The following ACAD9 variants were observed in gnomAD, a reference collection of about 807,000 sequenced individuals.
ACAD9 encodes complex I assembly factor ACAD9, mitochondrial.
A neutral mutation model predicts 70.2 loss-of-function variants in ACAD9; 53 were observed. The observed-to-expected ratio is 0.75, with a 90% CI of 0.61 to 0.95. The LOEUF is 0.95. Among genes scored for constraint, ACAD9 ranks in the 40% least tolerant of loss-of-function variants. The pLI is 0.00. For synonymous variants in ACAD9, 313 were observed against 312.1 expected (o/e 1.00, Z -0.03); for missense variants, 777 against 802.8 (o/e 0.97, Z 0.39).
intron 11 of ACAD9, 51 bp downstream of exon 11, chr3:128,904,556 C>G: frequency 6.3e-7 from 1 of 1,594,268 alleles, no homozygotes; most frequent in Non-Finnish European, 8.5e-7. Context: ...CTTGGGAAAT[C>G]TCCCTCACTG....
rs752516042 is a variant in ACAD9, at chr3:128,909,134, A to G, written c.1485+35A>G. 2.0e-5 allele frequency: 32 copies of G among 1,613,090 alleles called. 1 individual carries two copies. The highest frequency in any genetic ancestry group is 3.3e-4 in the Middle Eastern group (2 of 6,084). ...CCTAACAGGCATACCCCCTATTTCA[A>G]TGCCCTCCTGCCAGATCTCCTTGTG... On this transcript the variant is annotated intron_variant, in intron 14 of 17. Transcript: ENST00000308982.
intron 16 of ACAD9, 41 bp downstream of exon 16, chr3:128,910,190 A>G (rs374842044): frequency 3.7e-4 from 589 of 1,613,188 alleles, no homozygotes; most frequent in Non-Finnish European, 4.6e-4. Flanking sequence ...GGCTGCTGCC[A>G]TCTGTCCTGC....
At chr3:128,911,642 A>C (rs1211642783) in intron 17 of ACAD9, among the ~76,000 whole-genome samples, 1 of 151,856 alleles carries the variant, frequency 6.6e-6, no homozygotes, top group East Asian at 1.9e-4. Context: ...GGGTTTCACC[A>C]TGTTGGCCAA....
At chr3:128,909,985 G>A in intron 15 of ACAD9, 36 bp from the exon 16 acceptor site, 3 of 1,610,364 alleles carry the variant, frequency 1.9e-6, no homozygotes, top group Non-Finnish European at 2.5e-6. Flanking sequence ...ACTGGTCTAG[G>A]TAGTGAGTCC....
chr3:128,895,496 C>T, intron 4 of ACAD9, 80 bp downstream of exon 4: 1 of 1,348,480 alleles, frequency 7.4e-7, no homozygotes, highest in South Asian at 1.2e-5. Context: ...CAGAGGCTTG[C>T]TCCCTCTGAA....
Position 128,908,998 on chromosome 3 carries a change from A to G in ACAD9, c.1384A>G (p.Thr462Ala). 6.2e-7 allele frequency: 1 copy of G among 1,614,180 alleles called. No homozygotes were observed. ...IHELKQAKVS[T>A]VMDTVGRRLR... The stretch of plus-strand genomic sequence containing the variant: ...TGAGCTTAAACAGGCCAAAGTGAGC[A>G]CAGTCATGGATACCGTTGGCCGGAG... The change falls in exon 14 of 18, where the codon ACA (threonine) becomes GCA (alanine). Residue 462 changes from threonine to alanine, a missense_variant. Coordinates refer to ENST00000308982, the MANE Select transcript of ACAD9 (RefSeq NM_014049.5).
chr3:128,893,427 G>A, intron 2 of ACAD9, 128 bp from the exon 3 acceptor site: 2 of 757,914 alleles, frequency 2.6e-6, no homozygotes, highest in Non-Finnish European at 4.4e-6. Context: ...CATGACTACA[G>A]AATTTCTAGT....
chr3:128,888,887 G>T (rs1935330536), intron 2 of ACAD9, among the ~76,000 whole-genome samples: 2 of 132,464 alleles, frequency 1.5e-5, no homozygotes, highest in South Asian at 2.4e-4. Context: ...CTTTTCCTAT[G>T]TGGTTTGTCA....
chr3:128,891,896 C>T (rs1349379695), intron 2 of ACAD9, among the ~76,000 whole-genome samples: 1 of 152,118 alleles, frequency 6.6e-6, no homozygotes, highest in Non-Finnish European at 1.5e-5. Context: ...CTTCTTGGCT[C>T]TGTGTGTTTA....
At chr3:128,896,826 G>T (rs1239489321) in intron 5 of ACAD9, among the ~76,000 whole-genome samples, 1 of 152,308 alleles carries the variant, frequency 6.6e-6, no homozygotes, top group Middle Eastern at 3.4e-3. Flanking sequence ...CGGCTTCAAA[G>T]CACCTTTCAG....
At position 128,879,682 on chromosome 3, in the gene ACAD9, A is replaced by G. The variant is rs776598614; in HGVS notation, c.-10A>G. Reference sequence around the variant, plus strand: ...GAGACTGAGGCTGAGGCTGGGGAACATCGGGCAGCATGAGCGGCTGCGGGC... The same window carrying G: ...GAGACTGAGGCTGAGGCTGGGGAACGTCGGGCAGCATGAGCGGCTGCGGGC... On this transcript the variant is annotated 5_prime_UTR_variant, in exon 1 of 18. Transcript: ENST00000308982. The G allele has an allele frequency of 5.3e-5, 85 of 1,612,124 alleles. No homozygotes were observed. Among genetic ancestry groups the G allele is most frequent in the Non-Finnish European group, 6.9e-5 (81 of 1,179,884 alleles).
At chr3:128,895,991 G>A (rs1935558552) in intron 4 of ACAD9, among the ~76,000 whole-genome samples, 1 of 152,250 alleles carries the variant, frequency 6.6e-6, no homozygotes, top group Admixed American at 6.5e-5. Flanking sequence ...GAGGGCAGCA[G>A]GTGGGACAGC....
intron 2 of ACAD9, among the ~76,000 whole-genome samples, chr3:128,889,438 G>A (rs1456588306): frequency 2.0e-5 from 3 of 152,126 alleles, no homozygotes; most frequent in Non-Finnish European, 1.5e-5. Flanking sequence ...ATCACCTGAC[G>A]CATGACTGTA....
intron 1 of ACAD9, among the ~76,000 whole-genome samples, chr3:128,881,117 A>C (rs962110633): frequency 4.6e-5 from 7 of 152,210 alleles, no homozygotes; most frequent in Admixed American, 2.0e-4. Flanking sequence ...TTACAGATGA[A>C]GAAGCTAAGA....
rs752239378 is a variant in ACAD9 at position 128,912,614 on chromosome 3, G to C, written c.*7G>C. On this transcript the variant is annotated 3_prime_UTR_variant, in exon 18 of 18. Transcript: ENST00000308982. Reference sequence around the variant, plus strand: ...TCTGGACAGGACATGCTGAGGCAGGGGACAGTGTCCCCTGCTACCGCCCGC... The same window carrying C: ...TCTGGACAGGACATGCTGAGGCAGGCGACAGTGTCCCCTGCTACCGCCCGC... The C allele has an allele frequency of 6.2e-7, 1 of 1,612,952 alleles. No homozygotes were observed. The highest frequency in any genetic ancestry group is 1.7e-5 in the Admixed American group (1 of 60,028).
chr3:128,887,000 C>T (rs548411970), intron 2 of ACAD9, among the ~76,000 whole-genome samples: 1 of 152,078 alleles, frequency 6.6e-6, no homozygotes, highest in Non-Finnish European at 1.5e-5. Flanking sequence ...GGTACGACCT[C>T]AGCTCACTGC....
At chr3:128,899,228 A>G in intron 6 of ACAD9, 59 bp from the exon 7 acceptor site, 1 of 1,575,360 alleles carries the variant, frequency 6.3e-7, no homozygotes, top group Non-Finnish European at 8.7e-7. Context: ...ACAAAGACAG[A>G]GCTGAGGTGG....
At chr3:128,908,583 C>A (rs925705197) in intron 13 of ACAD9, 11 of 555,068 alleles carry the variant, frequency 2.0e-5, no homozygotes, top group Non-Finnish European at 3.6e-5. Flanking sequence ...TGCCAGGCCT[C>A]ACAGCCAACA....
chr3:128,908,830 G>C (rs915131155), intron 13 of ACAD9, 143 bp from the exon 14 acceptor site: 24 of 1,332,248 alleles, frequency 1.8e-5, no homozygotes, highest in South Asian at 4.9e-5. Flanking sequence ...GGTGGGTTTG[G>C]GGGGGTTCAG....
Sources: gnomAD v4.1 joint callset for allele counts (sites outside exome capture counted in the v4.1 genomes callset) on GRCh38, gnomAD v4.1.1 for gene constraint, MANE v1.5 for transcripts, NCBI Gene and HGNC (gene_info 2026-07-23, HGNC 2026-07-21) for gene names.